The following PDE4D variants were observed in gnomAD, a reference collection of about 807,000 sequenced individuals.
PDE4D encodes the protein 3',5'-cyclic-AMP phosphodiesterase 4D.
Under a neutral mutation model 87.4 loss-of-function variants are expected in PDE4D, and 24 were observed. That is an observed-to-expected ratio of 0.27 (90% CI 0.20 to 0.39). The LOEUF (loss-of-function observed/expected upper bound fraction) is 0.39. Among genes scored for constraint, PDE4D ranks in the 10% least tolerant of loss-of-function variants. PDE4D has a pLI of 1.00. For synonymous variants in PDE4D, 384 were observed against 383.2 expected, an observed-to-expected ratio of 1.00 and a Z score of -0.02; for missense variants, 714 against 1,041.0, an observed-to-expected ratio of 0.69 and a Z score of 4.32.
At chr5:59,480,438 C>T (rs1458521959) in intron 1 of PDE4D, among the ~76,000 whole-genome samples, 1 of 152,100 alleles carries the variant, frequency 6.6e-6, no homozygotes, top group Non-Finnish European at 1.5e-5. Context: ...ATGCCATCTG[C>T]CAATGTCACA....
intron 1 of PDE4D, among the ~76,000 whole-genome samples, chr5:59,336,663 T>A (rs1777705796): frequency 6.6e-6 from 1 of 152,212 alleles, no homozygotes; most frequent in South Asian, 2.1e-4. Context: ...ATGTTGAGAA[T>A]TGTTTTGAGG....
intron 1 of PDE4D, among the ~76,000 whole-genome samples, chr5:60,199,779 A>T (rs1474598823): frequency 2.6e-5 from 4 of 151,790 alleles, no homozygotes; most frequent in Non-Finnish European, 5.9e-5. Flanking sequence ...AAACTCTGCT[A>T]AGATGAAGAT....
At chr5:60,416,101 A>C (rs1353354422) in intron 1 of PDE4D, among the ~76,000 whole-genome samples, 2 of 152,198 alleles carry the variant, frequency 1.3e-5, no homozygotes, top group Non-Finnish European at 2.9e-5. Context: ...TAAATACACC[A>C]ATCGACACTC....
At chr5:59,729,674 C>A (rs761317313) in intron 1 of PDE4D, among the ~76,000 whole-genome samples, 4 of 151,712 alleles carry the variant, frequency 2.6e-5, no homozygotes, top group Non-Finnish European at 5.9e-5. Flanking sequence ...TAAGAAAATA[C>A]CTACGAAAGT....
chr5:60,408,053 C>T (rs1490294168), intron 1 of PDE4D, among the ~76,000 whole-genome samples: 2 of 152,216 alleles, frequency 1.3e-5, no homozygotes, highest in East Asian at 3.9e-4. Context: ...AACCACCAGG[C>T]TGTAAGGACA....
At chr5:59,267,643 T>C (rs976330702) in intron 1 of PDE4D, among the ~76,000 whole-genome samples, 2 of 152,124 alleles carry the variant, frequency 1.3e-5, no homozygotes, top group African/African-American at 2.4e-5. Flanking sequence ...GTTTATCTAT[T>C]GATTCACTCT....
At chr5:59,399,436 CA>C (rs1358299202) in intron 1 of PDE4D, among the ~76,000 whole-genome samples, 1 of 138,320 alleles carries the variant, frequency 7.2e-6, no homozygotes, top group East Asian at 2.1e-4. Context: ...CGCATATCTA[CA>C]ACTATCTGAT....
intron 1 of PDE4D, among the ~76,000 whole-genome samples, chr5:59,388,387 G>T (rs950863165): frequency 6.6e-5 from 10 of 152,074 alleles, no homozygotes; most frequent in African/African-American, 2.4e-4. Flanking sequence ...TACACTGTTG[G>T]TGGGAATGTA....
chr5:60,063,638 T>C (rs1361108961), intron 2 of PDE4D, among the ~76,000 whole-genome samples: 1 of 152,106 alleles, frequency 6.6e-6, no homozygotes. Context: ...TTGAAAGCTA[T>C]CTGGAAGAGT....
chr5:60,475,347 G>C (rs1316574699), intron 1 of PDE4D, among the ~76,000 whole-genome samples: 1 of 152,110 alleles, frequency 6.6e-6, no homozygotes, highest in Non-Finnish European at 1.5e-5. Flanking sequence ...CCTACAACTG[G>C]AGCTTAGGAT....
intron 1 of PDE4D, among the ~76,000 whole-genome samples, chr5:59,771,062 G>T (rs1357600834): frequency 2.0e-5 from 3 of 151,904 alleles, no homozygotes; most frequent in African/African-American, 7.3e-5. Flanking sequence ...AGCCTGGGAG[G>T]TTGAGGCAGC....
chr5:59,789,934 T>C (rs1765599067), intron 1 of PDE4D, among the ~76,000 whole-genome samples: 1 of 152,210 alleles, frequency 6.6e-6, no homozygotes, highest in Non-Finnish European at 1.5e-5. Context: ...TTTCTTTCAG[T>C]GTGATCAATG....
intron 1 of PDE4D, among the ~76,000 whole-genome samples, chr5:59,891,672 G>A (rs140784143): frequency 1.2e-4 from 18 of 152,268 alleles, no homozygotes; most frequent in African/African-American, 4.1e-4. Flanking sequence ...CTAAGGGTGT[G>A]AGCCAGGCAA....
chr5:60,335,262 G>A (rs1194076582), intron 1 of PDE4D: 1 of 152,250 alleles, frequency 6.6e-6, no homozygotes, highest in Non-Finnish European at 1.5e-5. Flanking sequence ...AGAGGAGACT[G>A]TGTATTTCAG....
intron 5 of PDE4D, among the ~76,000 whole-genome samples, chr5:59,158,085 G>C (rs1780511547): frequency 6.6e-6 from 1 of 152,044 alleles, no homozygotes; most frequent in African/African-American, 2.4e-5. Flanking sequence ...GATGTTCTTG[G>C]TATGTGCTCT....
chr5:59,610,431 G>C (rs1828837764), intron 1 of PDE4D, among the ~76,000 whole-genome samples: 1 of 152,080 alleles, frequency 6.6e-6, no homozygotes, highest in African/African-American at 2.4e-5. Flanking sequence ...GTATCATGTG[G>C]CATTATATGG....
intron 1 of PDE4D, among the ~76,000 whole-genome samples, chr5:59,599,520 A>G (rs1193477633): frequency 2.0e-5 from 3 of 151,974 alleles, no homozygotes; most frequent in Non-Finnish European, 2.9e-5. Context: ...AACACATTTT[A>G]TTTGCTTTCA....
intron 6 of PDE4D, among the ~76,000 whole-genome samples, chr5:58,995,644 T>G (rs905762906): frequency 6.6e-6 from 1 of 152,218 alleles, no homozygotes; most frequent in African/African-American, 2.4e-5. Flanking sequence ...ACTTGGTCCA[T>G]AACTTTTGGG....
intron 2 of PDE4D, among the ~76,000 whole-genome samples, chr5:60,134,434 G>A (rs1429155477): frequency 6.6e-6 from 1 of 152,196 alleles, no homozygotes; most frequent in Non-Finnish European, 1.5e-5. Flanking sequence ...GAGACTGCGA[G>A]TTTAAGGCTG....
Sources: allele counts gnomAD v4.1 joint callset (sites outside exome capture counted in the v4.1 genomes callset), GRCh38; gene constraint gnomAD v4.1.1; transcripts MANE v1.5; gene names NCBI Gene and HGNC (gene_info 2026-07-23, HGNC 2026-07-21).